The following ROBO2 variants were observed in gnomAD, a reference collection of about 807,000 sequenced individuals.
ROBO2 encodes the protein roundabout guidance receptor 2.
A neutral mutation model predicts 160.8 loss-of-function variants in ROBO2; 53 were observed. That is an observed-to-expected ratio of 0.33 (90% confidence interval 0.26 to 0.41). ROBO2 has a LOEUF of 0.41. ROBO2 is among the 10% of genes least tolerant of loss of function. The pLI is 1.00. For missense variants in ROBO2, 1,577 were observed against 1,722.4 expected (o/e 0.92, Z 1.49); for synonymous variants, 664 against 611.7 (o/e 1.09, Z -1.26).
chr3:76,925,802 A>T (rs1442890476), intron 2 of ROBO2, among the ~76,000 whole-genome samples: 1 of 152,208 alleles, frequency 6.6e-6, no homozygotes, highest in African/African-American at 2.4e-5. Flanking sequence ...ATCTGATCAT[A>T]GTAGGTTCAT....
intron 2 of ROBO2, among the ~76,000 whole-genome samples, chr3:76,894,654 A>T (rs1051296143): frequency 6.6e-6 from 1 of 152,078 alleles, no homozygotes; most frequent in Non-Finnish European, 1.5e-5. Context: ...TTCTCATTTG[A>T]GTAGTTGTAG....
At chr3:76,563,775 GAAAGT>G (rs2084344183) in intron 2 of ROBO2, among the ~76,000 whole-genome samples, 1 of 152,066 alleles carries the variant, frequency 6.6e-6, no homozygotes, top group African/African-American at 2.4e-5. Context: ...ATCATAATAA[GAAAGT>G]AAATGTTCAG....
At chr3:77,266,950 C>T (rs1438879594) in intron 2 of ROBO2, among the ~76,000 whole-genome samples, 1 of 152,124 alleles carries the variant, frequency 6.6e-6, no homozygotes, top group African/African-American at 2.4e-5. Context: ...TATCCAATTA[C>T]ATAGCTACCA....
At chr3:76,402,215 A>G (rs1224051607) in intron 2 of ROBO2, among the ~76,000 whole-genome samples, 1 of 151,506 alleles carries the variant, frequency 6.6e-6, no homozygotes, top group Admixed American at 6.6e-5. Context: ...TTGGTCCTGA[A>G]TTCAATTACT....
chr3:77,479,385 AC>A (rs1285680241), intron 3 of ROBO2, among the ~76,000 whole-genome samples: 1 of 152,112 alleles, frequency 6.6e-6, no homozygotes, highest in African/African-American at 2.4e-5. Flanking sequence ...TTTTGGAAGA[AC>A]TTTTCTCAGT....
At position 76,384,227 on chromosome 3, in the gene ROBO2, TAATACAAGAG is replaced by T. The variant is rs2076773451; in HGVS notation, c.109+446628_109+446637del. Among the ~76,000 whole-genome samples, 4 of 152,218 alleles carry T rather than the reference TAATACAAGAG, an allele frequency of 2.6e-5. No individual in the cohort carries two copies. The South Asian group carries it at 8.3e-4, about 31-fold the overall frequency. ...TACTAAAACTGTCCTTGGCTGCACA[TAATACAAGAG>T]AAATGTTAATCTATTTCTTGATTTA... On this transcript the variant is annotated intron_variant, in intron 2 of 26. Transcript: ENST00000487694.
rs536415005 is a variant in ROBO2, at chr3:76,804,321, A to T, written c.110-293693A>T. ...TATGTGAAACCATGAAGGAAGGAAG[A>T]TATTTTTGGTAGTGAGAACTACAAG... On this transcript the variant is annotated intron_variant, in intron 2 of 26. Coordinates refer to the ROBO2 transcript ENST00000487694. Among the ~76,000 whole-genome samples, 3 of 152,298 alleles carry T rather than the reference A, an allele frequency of 2.0e-5. No homozygotes were observed. In the East Asian group the frequency reaches 5.8e-4, roughly 30 times the overall value.
chr3:77,588,922 G>T, exon 17 of ROBO2: 1 of 1,613,290 alleles, frequency 6.2e-7, no homozygotes, highest in East Asian at 2.2e-5. Flanking sequence ...AAGGGACTCA[G>T]TAATTATGCT....
At chr3:77,134,059 C>A (rs916276755) in intron 2 of ROBO2, among the ~76,000 whole-genome samples, 12 of 151,938 alleles carry the variant, frequency 7.9e-5, no homozygotes. Context: ...GCCTGTAATC[C>A]CAACTACTCG....
At chr3:77,526,535 AT>A (rs1481405895) in intron 6 of ROBO2, among the ~76,000 whole-genome samples, 1 of 151,482 alleles carries the variant, frequency 6.6e-6, no homozygotes, top group Non-Finnish European at 1.5e-5. Flanking sequence ...ATATTTGTCT[AT>A]TGCTTTTGTA....
Position 76,215,274 on chromosome 3 carries a change from G to A in ROBO2, c.109+277672G>A, listed in dbSNP as rs529454048. On this transcript the variant is annotated intron_variant, in intron 2 of 26. Coordinates refer to the ROBO2 transcript ENST00000487694. ...AGCACCTCTCCTCCTCCAAAGGAAT[G>A]CAGCTCATCACCAGCAATGGAACAA... Among the ~76,000 whole-genome samples the A allele has an allele frequency of 5.9e-5, 9 of 152,308 alleles. No homozygotes were observed. The South Asian group carries it at 1.5e-3, about 25-fold the overall frequency.
At chr3:76,049,239 A>G (rs2067560850) in intron 2 of ROBO2, among the ~76,000 whole-genome samples, 1 of 151,198 alleles carries the variant, frequency 6.6e-6, no homozygotes, top group Non-Finnish European at 1.5e-5. Flanking sequence ...ACAGGGTTTT[A>G]CTGTGCTGCC....
chr3:76,085,526 A>G (rs1056886909), intron 2 of ROBO2, among the ~76,000 whole-genome samples: 26 of 152,302 alleles, frequency 1.7e-4, no homozygotes, highest in African/African-American at 6.3e-4. Context: ...TACAGCATGT[A>G]AAGAGCTTAG....
intron 2 of ROBO2, among the ~76,000 whole-genome samples, chr3:76,053,887 G>C (rs1017239316): frequency 7.9e-5 from 12 of 151,942 alleles, no homozygotes; most frequent in Non-Finnish European, 1.0e-4. Flanking sequence ...GCTTTTCAGA[G>C]CTTTTTATAG....
At chr3:76,406,469 T>C (rs1009872679) in intron 2 of ROBO2, among the ~76,000 whole-genome samples, 2 of 151,782 alleles carry the variant, frequency 1.3e-5, no homozygotes, top group African/African-American at 4.8e-5. Context: ...CATATTCCAT[T>C]TTTTTTCCCT....
intron 2 of ROBO2, among the ~76,000 whole-genome samples, chr3:76,942,107 G>A (rs2078226149): frequency 6.6e-6 from 1 of 152,170 alleles, no homozygotes; most frequent in Admixed American, 6.5e-5. Context: ...ATTCATATAT[G>A]TGAAGAATTT....
intron 2 of ROBO2, among the ~76,000 whole-genome samples, chr3:76,020,724 C>T (rs2066550471): frequency 6.6e-6 from 1 of 151,756 alleles, no homozygotes. Context: ...TATCTACATG[C>T]TTTCCATGTT....
At chr3:77,083,756 T>C (rs2068945133) in intron 1 of ROBO2, among the ~76,000 whole-genome samples, 1 of 151,974 alleles carries the variant, frequency 6.6e-6, no homozygotes, top group Admixed American at 6.6e-5. Flanking sequence ...ATTAGGGACC[T>C]GGAGAAAGAT....
intron 2 of ROBO2, among the ~76,000 whole-genome samples, chr3:76,781,559 A>C (rs968069187): frequency 6.6e-6 from 1 of 150,764 alleles, no homozygotes; most frequent in African/African-American, 2.4e-5. Flanking sequence ...ATTATGTTGT[A>C]CATTTCTTCT....
Sources: allele counts gnomAD v4.1 joint callset (sites outside exome capture counted in the v4.1 genomes callset), GRCh38; gene constraint gnomAD v4.1.1; transcripts MANE v1.5; gene names NCBI Gene and HGNC (gene_info 2026-07-23, HGNC 2026-07-21).